ANGPT2: variants seen among roughly 807,000 people sequenced by gnomAD.
ANGPT2 encodes the protein angiopoietin-2.
ANGPT2 carries 28 observed loss-of-function variants against 62.9 expected under a neutral mutation model. The ratio of observed to expected loss-of-function variants is 0.44; its 90% CI spans 0.33 to 0.61. The LOEUF (loss-of-function observed/expected upper bound fraction) is 0.61. Among genes scored for constraint, ANGPT2 ranks in the 20% least tolerant of loss-of-function variants. ANGPT2 has a pLI of 0.03. For missense variants in ANGPT2, 727 were observed against 594.9 expected (o/e 1.22, Z -2.31); for synonymous variants, 284 against 207.8 (o/e 1.37, Z -3.15).
At position 6,552,864 on chromosome 8, in the gene ANGPT2, G is replaced by A. The variant is rs1015783354; in HGVS notation, c.288+9783C>T. 3.3e-5 allele frequency among the ~76,000 whole-genome samples: 5 copies of A among 151,930 alleles called. 1 individual carries two copies. The East Asian group carries it at 7.7e-4, about 23-fold the overall frequency. On this transcript the variant is annotated intron_variant, in intron 1 of 8. Coordinates refer to ENST00000629816, the MANE Select transcript of ANGPT2 (RefSeq NM_001118887.2). ...TAAGTGAAAGAAGCCAGTCCGAAAA[G>A]GCTGTATATTTTATGATTCCAACTG...
At chr8:6,514,910 T>A (rs1414704653) in intron 5 of ANGPT2, 132 bp from the exon 6 acceptor site, 1 of 674,320 alleles carries the variant, frequency 1.5e-6, no homozygotes, top group Non-Finnish European at 2.6e-6. Flanking sequence ...AGGCACGGAG[T>A]AGACCATCGG....
chr8:6,539,470 C>T lies in ANGPT2; in HGVS notation c.289-6983G>A, dbSNP rs113587511. On this transcript the variant is annotated intron_variant, in intron 1 of 8. Transcript: ENST00000629816. ...GGGTATTGTGACTTCTCTTAGGGAG[C>T]ACACTTGCCTTCACCTGCCCTGACC... is the stretch of plus-strand genomic sequence containing the variant. 2.1e-3 allele frequency among the ~76,000 whole-genome samples: 318 copies of T among 152,308 alleles called. 2 individuals carry two copies. The highest frequency in any genetic ancestry group is 7.0e-3 in the African/African-American group (293 of 41,562).
intron 8 of ANGPT2, 170 bp downstream of exon 8, chr8:6,508,762 C>G (rs1385678777): frequency 2.2e-6 from 2 of 928,396 alleles, no homozygotes; most frequent in Non-Finnish European, 3.3e-6. Context: ...TCACTTAAAA[C>G]TTAGTCTAAA....
intron 1 of ANGPT2, among the ~76,000 whole-genome samples, chr8:6,532,926 T>C (rs867364989): frequency 2.0e-5 from 3 of 152,318 alleles, no homozygotes; most frequent in African/African-American, 7.2e-5. Context: ...TTCTAGACTT[T>C]TGGTTTCTCC....
chr8:6,510,165 T>TG (rs1290932574), intron 7 of ANGPT2, among the ~76,000 whole-genome samples: 1 of 151,544 alleles, frequency 6.6e-6, no homozygotes, highest in Non-Finnish European at 1.5e-5. Flanking sequence ...TTTCTTTTTT[T>TG]TTTTTTATTT....
chr8:6,535,225 C>T (rs1820267932), intron 1 of ANGPT2, among the ~76,000 whole-genome samples: 1 of 152,226 alleles, frequency 6.6e-6, no homozygotes, highest in Non-Finnish European at 1.5e-5. Flanking sequence ...TCCTCTAATA[C>T]TGCCTTCCCC....
intron 1 of ANGPT2, among the ~76,000 whole-genome samples, chr8:6,555,953 T>C (rs1052808831): frequency 5.3e-5 from 8 of 152,116 alleles, no homozygotes; most frequent in African/African-American, 1.2e-4. Flanking sequence ...ATCTCACCTA[T>C]CTAGAGGTGA....
chr8:6,521,196 T>G lies in ANGPT2; in HGVS notation c.781A>C (p.Met261Leu). 6.2e-7 allele frequency: 1 copy of G among 1,613,142 alleles called. No homozygotes were observed. Among genetic ancestry groups the G allele is most frequent in the Non-Finnish European group, 8.5e-7 (1 of 1,179,264 alleles). Residue 261 changes from methionine (M) to leucine (L), a missense_variant, in exon 4 of 9, where the codon ATG (methionine) becomes CTG (leucine). Physicochemically the swap from Met to Leu is conservative, Grantham distance 15. Coordinates refer to ENST00000629816, the MANE Select transcript of ANGPT2 (RefSeq NM_001118887.2). ...LMETVNNLLT[M>L]MSTSNSKDPT... ...AACTTACAGTTTGATGTGGACATCA[T>G]AGTCAGTAAGTTATTAACTGTCTCC...
chr8:6,526,410 G>C (rs1818346794), intron 3 of ANGPT2, among the ~76,000 whole-genome samples: 2 of 151,680 alleles, frequency 1.3e-5, no homozygotes, highest in African/African-American at 4.8e-5. Flanking sequence ...CTCCAGCCAG[G>C]GCAACCAGAG....
chr8:6,559,872 T>A (rs983638713), intron 1 of ANGPT2, among the ~76,000 whole-genome samples: 1 of 152,228 alleles, frequency 6.6e-6, no homozygotes, highest in Non-Finnish European at 1.5e-5. Flanking sequence ...GTTTATCTGA[T>A]CCTTGTTTAA....
At chr8:6,516,751 C>T (rs1816344600) in intron 5 of ANGPT2, among the ~76,000 whole-genome samples, 2 of 152,138 alleles carry the variant, frequency 1.3e-5, no homozygotes, top group Non-Finnish European at 1.5e-5. Flanking sequence ...TCTTGGTGAG[C>T]CTATCCTTGT....
At chr8:6,553,860 T>C (rs1824119936) in intron 1 of ANGPT2, among the ~76,000 whole-genome samples, 1 of 152,090 alleles carries the variant, frequency 6.6e-6, no homozygotes, top group Non-Finnish European at 1.5e-5. Context: ...GGCTGTGGAT[T>C]TACATGTAAG....
At chr8:6,523,306 T>C (rs931263268) in intron 3 of ANGPT2, among the ~76,000 whole-genome samples, 5 of 152,076 alleles carry the variant, frequency 3.3e-5, no homozygotes, top group East Asian at 1.9e-4. Context: ...AGAAAAGCTT[T>C]TTAAAAATTA....
At chr8:6,510,233 G>T (rs900090196) in intron 7 of ANGPT2, among the ~76,000 whole-genome samples, 3 of 151,818 alleles carry the variant, frequency 2.0e-5, no homozygotes, top group African/African-American at 7.3e-5. Flanking sequence ...GATGGTTCAG[G>T]ACAGATCAGA....
intron 1 of ANGPT2, among the ~76,000 whole-genome samples, chr8:6,533,205 C>T (rs1563080082): frequency 2.0e-5 from 3 of 152,242 alleles, no homozygotes; most frequent in Non-Finnish European, 2.9e-5. Flanking sequence ...TTCTCTCCCT[C>T]AGTTACTAAA....
chr8:6,524,816 C>T (rs376552500), intron 3 of ANGPT2, among the ~76,000 whole-genome samples: 1 of 152,188 alleles, frequency 6.6e-6, no homozygotes, highest in Admixed American at 6.5e-5. Context: ...ATATGAAGAT[C>T]ATGGTTTCAC....
chr8:6,512,665 C>G (rs73199035), intron 7 of ANGPT2, among the ~76,000 whole-genome samples: 1,643 of 152,238 alleles, frequency 0.011, 26 homozygotes, highest in Non-Finnish European at 0.014. Flanking sequence ...GTGCATGTGG[C>G]TTCACCGTAC....
chr8:6,536,294 G>C (rs773140218), intron 1 of ANGPT2, among the ~76,000 whole-genome samples: 3 of 152,102 alleles, frequency 2.0e-5, no homozygotes, highest in Non-Finnish European at 4.4e-5. Context: ...GCTGTGTCGG[G>C]ATCCCAGGCG....
At chr8:6,522,178 A>T (rs888846840) in intron 3 of ANGPT2, among the ~76,000 whole-genome samples, 5 of 151,822 alleles carry the variant, frequency 3.3e-5, no homozygotes, top group African/African-American at 1.2e-4. Flanking sequence ...ACACGGTGAA[A>T]CCCCGTCTCC....
Sources: gnomAD v4.1 joint callset for allele counts (sites outside exome capture counted in the v4.1 genomes callset) on GRCh38, gnomAD v4.1.1 for gene constraint, MANE v1.5 for transcripts, NCBI Gene and HGNC (gene_info 2026-07-23, HGNC 2026-07-21) for gene names.